DDHD1: variants seen among roughly 807,000 people sequenced by gnomAD.
DDHD1 encodes the protein DDHD domain containing 1, also known as phospholipase DDHD1.
In DDHD1, 49 loss-of-function variants were observed where a neutral mutation model predicts 96.4. The ratio of observed to expected loss-of-function variants is 0.51; its 90% confidence interval spans 0.40 to 0.64. The LOEUF (loss-of-function observed/expected upper bound fraction) is 0.64. Ranked by LOEUF, DDHD1 falls within the 30% of genes least tolerant of loss-of-function variation. The probability of loss-of-function intolerance (pLI) is 0.00; values close to 1 mark genes in which losing one functional copy is unlikely to be tolerated. For missense variants in DDHD1, 1,106 were observed against 1,161.2 expected (o/e 0.95, Z 0.69); for synonymous variants, 442 against 446.5 (o/e 0.99, Z 0.13).
At chr14:53,052,312 T>G (rs1882662043) in intron 11 of DDHD1, among the ~76,000 whole-genome samples, 1 of 152,152 alleles carries the variant, frequency 6.6e-6, no homozygotes, top group Admixed American at 6.5e-5. Context: ...AGGTTTCAAT[T>G]GACAACACTA....
chr14:53,135,743 C>A (rs1372627275), intron 1 of DDHD1, among the ~76,000 whole-genome samples: 1 of 152,214 alleles, frequency 6.6e-6, no homozygotes, highest in African/African-American at 2.4e-5. Flanking sequence ...GAACAGACTT[C>A]TACTTCCAGC....
chr14:53,111,098 T>G (rs1168954146), intron 1 of DDHD1, among the ~76,000 whole-genome samples: 2 of 152,202 alleles, frequency 1.3e-5, no homozygotes, highest in Non-Finnish European at 2.9e-5. Flanking sequence ...ATTCTAAGGT[T>G]CATTTTCTAC....
chr14:53,071,694 C>G (rs1449445569), intron 6 of DDHD1, among the ~76,000 whole-genome samples: 3 of 152,096 alleles, frequency 2.0e-5, no homozygotes, highest in Non-Finnish European at 4.4e-5. Context: ...TTCCCTGTCT[C>G]CCTGCTAATG....
intron 1 of DDHD1, chr14:53,149,713 T>C (rs1891219708): frequency 6.6e-6 from 1 of 152,216 alleles, no homozygotes; most frequent in African/African-American, 2.4e-5. Flanking sequence ...CTTATGCTAG[T>C]TATAAGCTAT....
intron 1 of DDHD1, among the ~76,000 whole-genome samples, chr14:53,128,069 T>TC (rs1161649925): frequency 6.6e-6 from 1 of 152,158 alleles, no homozygotes; most frequent in East Asian, 1.9e-4. Flanking sequence ...GGCTTTCCCC[T>TC]CTTCGCTCTA....
intron 1 of DDHD1, among the ~76,000 whole-genome samples, chr14:53,108,100 C>T (rs967843450): frequency 2.0e-5 from 3 of 152,142 alleles, no homozygotes; most frequent in South Asian, 4.1e-4. Context: ...GTGTTTGTTA[C>T]GGCTCGAGCT....
intron 1 of DDHD1, among the ~76,000 whole-genome samples, chr14:53,122,100 G>C (rs2032477301): frequency 6.6e-6 from 1 of 152,134 alleles, no homozygotes; most frequent in South Asian, 2.1e-4. Flanking sequence ...GATGCTGGAA[G>C]AAGAAGGTGT....
chr14:53,075,115 T>C (rs1312422875), intron 4 of DDHD1, among the ~76,000 whole-genome samples: 2 of 152,132 alleles, frequency 1.3e-5, no homozygotes, highest in South Asian at 2.1e-4. Context: ...TACTGGCCTC[T>C]AGGTGATCAA....
chr14:53,052,303 G>A (rs554011613), intron 11 of DDHD1, among the ~76,000 whole-genome samples: 1 of 152,062 alleles, frequency 6.6e-6, no homozygotes, highest in Admixed American at 6.6e-5. Context: ...AAATAAAATA[G>A]GTTTCAATTG....
intron 4 of DDHD1, among the ~76,000 whole-genome samples, chr14:53,082,708 A>G (rs1345446141): frequency 6.6e-6 from 1 of 151,386 alleles, no homozygotes; most frequent in Admixed American, 6.6e-5. Context: ...GCAGTGAGCC[A>G]AGATCATGCC....
At chr14:53,114,975 T>G (rs1566578707) in intron 1 of DDHD1, among the ~76,000 whole-genome samples, 2 of 152,118 alleles carry the variant, frequency 1.3e-5, no homozygotes, top group African/African-American at 4.8e-5. Flanking sequence ...GCTAAGAACC[T>G]TGATAAAGGT....
intron 3 of DDHD1, chr14:53,092,458 TA>T (rs1353189232): frequency 6.6e-6 from 1 of 152,202 alleles, no homozygotes; most frequent in Non-Finnish European, 1.5e-5. Flanking sequence ...TATCAAACTT[TA>T]AAATTCTTTT....
rs1244792265 is a variant in DDHD1, at chr14:53,153,094, T to C, written c.5A>G (p.Asn2Ser). 5 of 1,426,540 alleles carry C rather than the reference T, an allele frequency of 3.5e-6. No individual in the cohort carries two copies. Among genetic ancestry groups the C allele is most frequent in the South Asian group, 1.5e-5 (1 of 66,672 alleles). The allele number at this position is 1,426,540 out of a possible 1,614,324, so 88.4% of individuals were successfully genotyped here. A position where few individuals can be genotyped will look rare whatever the true frequency, so the allele number is the denominator to read the frequency against. ...CCGTGGGGACCCGCGGCCCGGGTAA[T>C]TCATGCTGTGGAGACGCCGCCGGCT... MNYPGRGSPRSP... is the reference protein window; with the variant it reads MSYPGRGSPRSP... The change falls in exon 1 of 13, where the codon AAT becomes AGT. Residue 2 changes from asparagine (N) to serine (S), a missense_variant. Transcript: ENST00000673822.
intron 1 of DDHD1, among the ~76,000 whole-genome samples, chr14:53,125,787 C>T (rs973575554): frequency 5.3e-5 from 8 of 151,712 alleles, no homozygotes; most frequent in Admixed American, 3.3e-4. Flanking sequence ...TTGCAACCTC[C>T]GCCTCCTGGG....
intron 2 of DDHD1, chr14:53,103,077 AT>A: frequency 6.4e-7 from 1 of 1,558,666 alleles, no homozygotes; most frequent in Non-Finnish European, 8.7e-7. Flanking sequence ...CAATAGAAGT[AT>A]TTTTAACTTT....
chr14:53,082,338 T>A (rs867951237), intron 4 of DDHD1, among the ~76,000 whole-genome samples: 1 of 151,726 alleles, frequency 6.6e-6, no homozygotes, highest in Non-Finnish European at 1.5e-5. Context: ...TAGAAAAAAA[T>A]TGGTAAACTA....
intron 1 of DDHD1, among the ~76,000 whole-genome samples, chr14:53,146,319 A>G (rs1304492068): frequency 1.3e-5 from 2 of 151,840 alleles, no homozygotes; most frequent in Non-Finnish European, 2.9e-5. Flanking sequence ...GCCTGGCCAA[A>G]ACGGTGAAAC....
At chr14:53,101,392 A>G (rs534970081) in intron 2 of DDHD1, among the ~76,000 whole-genome samples, 1 of 152,270 alleles carries the variant, frequency 6.6e-6, no homozygotes, top group South Asian at 2.1e-4. Context: ...AAATTATGAC[A>G]AAGATATGTT....
chr14:53,115,965 T>C (rs1888513151), intron 1 of DDHD1, among the ~76,000 whole-genome samples: 1 of 152,180 alleles, frequency 6.6e-6, no homozygotes, highest in Non-Finnish European at 1.5e-5. Flanking sequence ...ATTGGTGTGC[T>C]GTATTCAAGA....
Sources: gnomAD v4.1 joint callset for allele counts (sites outside exome capture counted in the v4.1 genomes callset) on GRCh38, gnomAD v4.1.1 for gene constraint, MANE v1.5 for transcripts, NCBI Gene and HGNC (gene_info 2026-07-23, HGNC 2026-07-21) for gene names.